CFLAR: variants seen among roughly 807,000 people sequenced by gnomAD.
The protein encoded by CFLAR is CASP8 and FADD-like apoptosis regulator.
CFLAR carries 14 observed loss-of-function variants against 51.1 expected under a neutral mutation model. The observed-to-expected ratio is 0.27, with a 90% CI of 0.18 to 0.43. CFLAR has a LOEUF of 0.43. Among genes scored for constraint, CFLAR ranks in the 20% least tolerant of loss-of-function variants. The probability of loss-of-function intolerance (pLI) is 1.00; values close to 1 mark genes in which losing one functional copy is unlikely to be tolerated. For synonymous variants in CFLAR, 210 were observed against 211.6 expected (o/e 0.99, Z 0.06); for missense variants, 390 against 566.5 (o/e 0.69, Z 3.16).
chr2:201,141,318 ACTAT>A, intron 5 of CFLAR: 1 of 1,530,974 alleles, frequency 6.5e-7, no homozygotes, highest in Non-Finnish European at 8.8e-7. Flanking sequence ...TCATTCTGTA[ACTAT>A]CCAGAGATAG....
intron 1 of CFLAR, among the ~76,000 whole-genome samples, chr2:201,128,384 C>G (rs2048913164): frequency 6.6e-6 from 1 of 152,076 alleles, no homozygotes; most frequent in Non-Finnish European, 1.5e-5. Context: ...TTTCATTGAG[C>G]ACATTTAATT....
Position 201,160,746 on chromosome 2 carries a change from A to G in CFLAR, c.1108A>G (p.Ser370Gly), listed in dbSNP as rs1297881424. Residue 370 changes from serine (S) to glycine (G), a missense_variant, in exon 9 of 10, where the codon AGC (serine) becomes GGC (glycine). Coordinates refer to ENST00000309955, the MANE Select transcript of CFLAR (RefSeq NM_003879.7). ...YVVSEGQLEDSSLLEVDGPAM... is the reference protein window; with the variant it reads ...YVVSEGQLEDGSLLEVDGPAM... ...GGTGTCAGAGGGCCAGCTGGAGGAC[A>G]GCAGCCTCTTGGAGGTGGATGGGCC... is the stretch of plus-strand genomic sequence containing the variant. The G allele has an allele frequency of 6.2e-7, 1 of 1,614,160 alleles. No individual in the cohort carries two copies. Among genetic ancestry groups the G allele is most frequent in the Admixed American group, 1.7e-5 (1 of 60,014 alleles).
intron 5 of CFLAR, among the ~76,000 whole-genome samples, chr2:201,142,280 G>GA (rs112090283): frequency 0.25 from 36,072 of 145,670 alleles, 5,123 homozygotes; most frequent in African/African-American, 0.41. Flanking sequence ...GTCTCTAAAA[G>GA]AAAAAAAAAT....
intron 8 of CFLAR, among the ~76,000 whole-genome samples, chr2:201,160,184 G>A (rs1373255816): frequency 6.6e-6 from 1 of 152,140 alleles, no homozygotes; most frequent in Non-Finnish European, 1.5e-5. Context: ...GTCTGTGCCT[G>A]TGGCTGGCAT....
At chr2:201,157,713 CTG>C (rs1942411864) in intron 8 of CFLAR, 1 of 152,366 alleles carries the variant, frequency 6.6e-6, no homozygotes, top group South Asian at 2.1e-4. Flanking sequence ...GATGAATAAA[CTG>C]GGGCTGACTC....
Position 201,164,082 on chromosome 2 carries a change from A to C in CFLAR, c.*109A>C. ...GGAGTTCGAGACCAGCCTGGCCAACATGGTAAACGCTGTCCCTAGTAAAAA... is the reference window on the plus strand; with the variant it reads ...GGAGTTCGAGACCAGCCTGGCCAACCTGGTAAACGCTGTCCCTAGTAAAAA... On this transcript the variant is annotated 3_prime_UTR_variant, in exon 10 of 10. Transcript: ENST00000309955. 5.0e-6 allele frequency: 4 copies of C among 796,316 alleles called. No homozygotes were observed. The highest frequency in any genetic ancestry group is 3.8e-4 in the Middle Eastern group (1 of 2,620). 49.3% of individuals were successfully genotyped at this position (796,316 alleles called of 1,614,324 possible).
intron 5 of CFLAR, among the ~76,000 whole-genome samples, chr2:201,142,358 G>A (rs1380292675): frequency 6.6e-6 from 1 of 151,698 alleles, no homozygotes; most frequent in Non-Finnish European, 1.5e-5. Context: ...TAATATAAAT[G>A]GTTTCTTGGA....
At chr2:201,162,206 A>T (rs1288311264) in intron 9 of CFLAR, among the ~76,000 whole-genome samples, 2 of 150,952 alleles carry the variant, frequency 1.3e-5, no homozygotes, top group African/African-American at 4.9e-5. Flanking sequence ...GGGTTCAGGC[A>T]ATTCTCCTGC....
In CFLAR at chr2:201,176,370, A is replaced by G. The variant is rs1944172796; in HGVS notation, c.*12397A>G. Reference sequence around the variant, plus strand: ...AGAAACATTTAACAACCGCCTGACCATCACCTGATGGTTGCCCAACACTCT... The same window carrying G: ...AGAAACATTTAACAACCGCCTGACCGTCACCTGATGGTTGCCCAACACTCT... On this transcript the variant is annotated 3_prime_UTR_variant, in exon 10 of 10. Coordinates refer to ENST00000309955, the MANE Select transcript of CFLAR (RefSeq NM_003879.7). 6.7e-6 allele frequency: 1 copy of G among 149,874 alleles called. No individual in the cohort carries two copies. The highest frequency in any genetic ancestry group is 1.5e-5 in the Non-Finnish European group (1 of 67,828). 9.3% of individuals were successfully genotyped at this position (149,874 alleles called of 1,614,324 possible).
At position 201,167,501 on chromosome 2, in the gene CFLAR, G is replaced by A. The variant is rs1345931954; in HGVS notation, c.*3528G>A. The A allele has an allele frequency of 6.6e-6, 1 of 152,124 alleles. No individual in the cohort carries two copies. The highest frequency in any genetic ancestry group is 1.5e-5 in the Non-Finnish European group (1 of 68,048). The allele number at this position is 152,124 out of a possible 1,614,324, so 9.4% of individuals were successfully genotyped here. ...AGCATGGGAGACAGAGTGAGACCCT[G>A]TTTCAGAAAAAATAAATAAATAAAA... On this transcript the variant is annotated 3_prime_UTR_variant, in exon 10 of 10. Transcript: ENST00000309955.
intron 2 of CFLAR, 127 bp downstream of exon 2, chr2:201,130,273 A>G: frequency 2.7e-6 from 2 of 737,688 alleles, no homozygotes; most frequent in East Asian, 2.9e-5. Flanking sequence ...CACTTATCCA[A>G]CTGCCAGATG....
chr2:201,126,920 A>G (rs1336595128), intron 1 of CFLAR, among the ~76,000 whole-genome samples: 5 of 152,208 alleles, frequency 3.3e-5, no homozygotes, highest in Admixed American at 6.5e-5. Context: ...TGACTTCTGC[A>G]AGAGAAATGA....
At chr2:201,155,574 AT>A (rs371040379) in intron 8 of CFLAR, among the ~76,000 whole-genome samples, 11 of 149,166 alleles carry the variant, frequency 7.4e-5, no homozygotes, top group African/African-American at 1.2e-4. Context: ...AAGAGGAAGT[AT>A]TTTTTTTTTC....
intron 4 of CFLAR, chr2:201,137,742 G>A (rs1002763947): frequency 8.2e-5 from 67 of 817,096 alleles, no homozygotes; most frequent in East Asian, 4.4e-4. Flanking sequence ...GACATCCTGC[G>A]TGATCTTCGC....
Position 201,167,890 on chromosome 2 carries a change from A to T in CFLAR, c.*3917A>T, listed in dbSNP as rs1943742115. On this transcript the variant is annotated 3_prime_UTR_variant, in exon 10 of 10. Transcript: ENST00000309955. ...TGGACTTTTATGTGAGGGGAAAAAA[A>T]ATTGACAGTTTATATTTATCTCAAC... 1 of 152,212 alleles carries T rather than the reference A, an allele frequency of 6.6e-6. No homozygotes were observed. The allele number at this position is 152,212 out of a possible 1,614,324, so 9.4% of individuals were successfully genotyped here.
intron 8 of CFLAR, among the ~76,000 whole-genome samples, chr2:201,159,075 A>G (rs140128980): frequency 0.011 from 1,737 of 151,458 alleles, 17 homozygotes; most frequent in Non-Finnish European, 0.017. Context: ...ACGGGGTTTC[A>G]CCATATTGGC....
chr2:201,128,335 T>TA (rs1417390397), intron 1 of CFLAR, among the ~76,000 whole-genome samples: 2 of 151,970 alleles, frequency 1.3e-5, no homozygotes, highest in Non-Finnish European at 1.5e-5. Flanking sequence ...ATCTTTCTGA[T>TA]AAAAAAAAGT....
At chr2:201,136,636 C>T (rs1359378954) in intron 4 of CFLAR, 2 of 1,393,370 alleles carry the variant, frequency 1.4e-6, no homozygotes, top group East Asian at 2.5e-5. Context: ...CTTTTAGACT[C>T]AGCCTCAGCT....
At chr2:201,145,020 T>C (rs563056308) in intron 5 of CFLAR, among the ~76,000 whole-genome samples, 5 of 152,070 alleles carry the variant, frequency 3.3e-5, no homozygotes, top group African/African-American at 1.2e-4. Flanking sequence ...GCCCAGCAAA[T>C]TTTTGTATTT....
Sources: allele counts gnomAD v4.1 joint callset (sites outside exome capture counted in the v4.1 genomes callset), GRCh38; gene constraint gnomAD v4.1.1; transcripts MANE v1.5; gene names NCBI Gene and HGNC (gene_info 2026-07-23, HGNC 2026-07-21).